The following SLC27A6 variants were observed in gnomAD, a reference collection of about 807,000 sequenced individuals.
SLC27A6 encodes the protein long-chain fatty acid transport protein 6.
In SLC27A6, 74 loss-of-function variants were observed where a neutral mutation model predicts 63.9. The observed-to-expected ratio is 1.16, with a 90% CI of 0.96 to 1.40. The LOEUF is 1.40. Among genes scored for constraint, SLC27A6 ranks in the 40% most tolerant of loss-of-function variants. The pLI is 0.00. For synonymous variants in SLC27A6, 287 were observed against 260.8 expected, an observed-to-expected ratio of 1.10 and a Z score of -0.97; for missense variants, 794 against 732.9, an observed-to-expected ratio of 1.08 and a Z score of -0.96.
At chr5:129,029,925 G>T (rs981755569) in intron 9 of SLC27A6, among the ~76,000 whole-genome samples, 1 of 151,966 alleles carries the variant, frequency 6.6e-6, no homozygotes, top group Non-Finnish European at 1.5e-5. Flanking sequence ...TTATAGAATT[G>T]CTCTCTTCCT....
chr5:128,982,172 CTCT>C (rs1750617368), intron 1 of SLC27A6, among the ~76,000 whole-genome samples: 2 of 152,110 alleles, frequency 1.3e-5, no homozygotes, highest in African/African-American at 4.8e-5. Flanking sequence ...CCCTGCATGA[CTCT>C]TCTTTATCCC....
At chr5:128,970,282 T>C (rs1224268634) in intron 1 of SLC27A6, among the ~76,000 whole-genome samples, 1 of 151,546 alleles carries the variant, frequency 6.6e-6, no homozygotes, top group African/African-American at 2.4e-5. Flanking sequence ...GCCTCATGAA[T>C]TAGGGAGGAT....
Position 128,985,162 on chromosome 5 carries a change from C to G in SLC27A6, c.511C>G (p.Pro171Ala), listed in dbSNP as rs1213095826. 1 of 1,613,808 alleles carries G rather than the reference C, an allele frequency of 6.2e-7. No homozygotes were observed. The highest frequency in any genetic ancestry group is 2.2e-5 in the East Asian group (1 of 44,882). Reference sequence around the variant, plus strand: ...GCTTGGAACGGTAGAAGAAATCCTTCCAAGCCTCTCAGAAAATATCAGTGT... The same window carrying G: ...GCTTGGAACGGTAGAAGAAATCCTTGCAAGCCTCTCAGAAAATATCAGTGT... ...DLLGTVEEIL[P>A]SLSENISVWG... The change falls in exon 2 of 10, where the codon CCA (proline) becomes GCA (alanine). Residue 171 changes from proline (P) to alanine (A), a missense_variant. Physicochemically the swap from Pro to Ala is conservative, Grantham distance 27. Coordinates refer to ENST00000262462, the MANE Select transcript of SLC27A6 (RefSeq NM_001017372.3).
intron 4 of SLC27A6, among the ~76,000 whole-genome samples, chr5:128,999,732 T>G (rs565333622): frequency 6.6e-6 from 1 of 152,248 alleles, no homozygotes; most frequent in East Asian, 1.9e-4. Context: ...CCCTGGATAT[T>G]GTATAGCTCA....
At position 128,968,822 on chromosome 5, in the gene SLC27A6, A is replaced by T. The variant is rs539497520; in HGVS notation, c.481+2204A>T. 5.9e-5 allele frequency among the ~76,000 whole-genome samples: 9 copies of T among 152,220 alleles called. No individual in the cohort carries two copies. The South Asian group carries it at 1.5e-3, about 25-fold the overall frequency. ...GTTGCCATTGCTTTTGGTGTTTTAGACATGAAGTCCTTGCCCATGCCTATG... is the reference window on the plus strand; with the variant it reads ...GTTGCCATTGCTTTTGGTGTTTTAGTCATGAAGTCCTTGCCCATGCCTATG... On this transcript the variant is annotated intron_variant, in intron 1 of 9. Coordinates refer to ENST00000262462, the MANE Select transcript of SLC27A6 (RefSeq NM_001017372.3).
intron 1 of SLC27A6, among the ~76,000 whole-genome samples, chr5:128,968,131 T>C (rs1358214705): frequency 6.6e-6 from 1 of 152,204 alleles, no homozygotes; most frequent in Non-Finnish European, 1.5e-5. Context: ...ATGGTGCATA[T>C]GTGCCTCATT....
In SLC27A6 at chr5:128,987,710, G is replaced by A. The variant is rs116606123; in HGVS notation, c.686-890G>A. On this transcript the variant is annotated intron_variant, in intron 2 of 9. Coordinates refer to ENST00000262462, the MANE Select transcript of SLC27A6 (RefSeq NM_001017372.3). The stretch of plus-strand genomic sequence containing the variant: ...AGGTAAGAGAAGGAAAACAGGATAG[G>A]CAACATTAGGAAACCAGTGATTCTG... Among the ~76,000 whole-genome samples the A allele has an allele frequency of 3.7e-3, 570 of 152,130 alleles. 1 individual carries two copies. The highest frequency in any genetic ancestry group is 0.013 in the African/African-American group (534 of 41,526).
intron 8 of SLC27A6, among the ~76,000 whole-genome samples, chr5:129,029,354 G>A (rs1298654691): frequency 6.6e-6 from 1 of 151,880 alleles, no homozygotes; most frequent in Non-Finnish European, 1.5e-5. Context: ...CATTTCTGTA[G>A]TATAGGCAAT....
intron 5 of SLC27A6, among the ~76,000 whole-genome samples, chr5:129,022,724 A>C (rs182505944): frequency 9.9e-5 from 15 of 152,090 alleles, no homozygotes; most frequent in African/African-American, 3.4e-4. Context: ...GCATGGAGGG[A>C]TAAGGTGGTA....
chr5:128,996,556 T>G (rs759518610), intron 4 of SLC27A6, among the ~76,000 whole-genome samples: 1 of 152,200 alleles, frequency 6.6e-6, no homozygotes, highest in Non-Finnish European at 1.5e-5. Flanking sequence ...TAGACAATCC[T>G]GCAGTGAGCC....
Position 128,976,491 on chromosome 5 carries a change from G to T in SLC27A6, c.482-8642G>T, listed in dbSNP as rs560029761. Among the ~76,000 whole-genome samples the T allele has an allele frequency of 5.3e-5, 8 of 152,286 alleles. No homozygotes were observed. The East Asian group carries it at 1.5e-3, about 29-fold the overall frequency. On this transcript the variant is annotated intron_variant, in intron 1 of 9. Transcript: ENST00000262462. ...ATCGTGCCATTGCACTCCAGCCTAG[G>T]CAACAAGAATGAAACTCCGTCTCAA...
intron 5 of SLC27A6, among the ~76,000 whole-genome samples, chr5:129,020,264 C>A (rs1752031790): frequency 6.6e-6 from 1 of 152,130 alleles, no homozygotes; most frequent in African/African-American, 2.4e-5. Flanking sequence ...ATAATACCTG[C>A]ATATTTATAG....
chr5:129,009,756 C>T (rs1042082287), intron 4 of SLC27A6, among the ~76,000 whole-genome samples: 7 of 151,910 alleles, frequency 4.6e-5, no homozygotes, highest in African/African-American at 1.7e-4. Flanking sequence ...CTCACTGCAA[C>T]CTCCACCCCC....
intron 4 of SLC27A6, among the ~76,000 whole-genome samples, chr5:129,000,445 G>T (rs1449518953): frequency 6.6e-6 from 1 of 152,038 alleles, no homozygotes; most frequent in Non-Finnish European, 1.5e-5. Flanking sequence ...CCAGTTGCTG[G>T]GATACTTGTG....
rs780502462 is a variant in SLC27A6 at position 128,966,121 on chromosome 5, C to A, written c.-17C>A. 3.9e-6 allele frequency: 6 copies of A among 1,533,110 alleles called. No individual in the cohort carries two copies. The highest frequency in any genetic ancestry group is 4.4e-6 in the Non-Finnish European group (5 of 1,144,826). The allele number at this position is 1,533,110 out of a possible 1,614,324, so 95.0% of individuals were successfully genotyped here. ...TGGGGGCTGAGATCAGAGCTGTCTT[C>A]TGGCCCAGTTGCCCCCATGCTTCTG... On this transcript the variant is annotated 5_prime_UTR_variant, in exon 1 of 10. The change creates a new upstream start codon in the 5' untranslated region. Transcript: ENST00000262462.
At chr5:129,030,862 A>C (rs774092108) in intron 9 of SLC27A6, among the ~76,000 whole-genome samples, 3 of 152,042 alleles carry the variant, frequency 2.0e-5, no homozygotes, top group Non-Finnish European at 4.4e-5. Context: ...CAGTTTTATC[A>C]CCTGTGCAAC....
At chr5:128,970,877 T>C (rs1036399288) in intron 1 of SLC27A6, among the ~76,000 whole-genome samples, 2 of 151,952 alleles carry the variant, frequency 1.3e-5, no homozygotes, top group Admixed American at 1.3e-4. Flanking sequence ...TCTTTCCTGC[T>C]TTCTCTTGTG....
In SLC27A6 at chr5:129,004,398, T is replaced by G. The variant is rs532155351; in HGVS notation, c.970-11487T>G. 1.2e-3 allele frequency among the ~76,000 whole-genome samples: 177 copies of G among 152,312 alleles called. 1 individual carries two copies. Among genetic ancestry groups the G allele is most frequent in the Non-Finnish European group, 2.2e-3 (147 of 68,020 alleles). On this transcript the variant is annotated intron_variant, in intron 4 of 9. Transcript: ENST00000262462. ...CTTGTTCTGTGAGTCTCTCTTGCTT[T>G]CTTTCTCTCTGAGTCTCTCACTTTC... is the stretch of plus-strand genomic sequence containing the variant.
chr5:129,002,554 CTTTCTTCCTTCG>C (rs141326011), intron 4 of SLC27A6, among the ~76,000 whole-genome samples: 34,115 of 150,568 alleles, frequency 0.23, 4,969 homozygotes, highest in East Asian at 0.7. Context: ...CCCTCCCTTC[CTTTCTTCCTTCG>C]TTCCTTCGTT....
Sources: allele counts gnomAD v4.1 joint callset (sites outside exome capture counted in the v4.1 genomes callset), GRCh38; gene constraint gnomAD v4.1.1; transcripts MANE v1.5; gene names NCBI Gene and HGNC (gene_info 2026-07-23, HGNC 2026-07-21).